Variants in SV2B observed in about 807,000 individuals in gnomAD.
SV2B encodes synaptic vesicle glycoprotein 2B.
Under a neutral mutation model 73.9 loss-of-function variants are expected in SV2B, and 41 were observed. The observed-to-expected ratio is 0.56, with a 90% confidence interval of 0.43 to 0.72. The LOEUF (loss-of-function observed/expected upper bound fraction) is 0.72. Ranked by LOEUF, SV2B falls within the 30% of genes least tolerant of loss-of-function variation. The pLI, the probability that SV2B is intolerant of heterozygous loss-of-function variation, is 0.00. For missense variants in SV2B, 764 were observed against 857.8 expected (o/e 0.89, Z 1.37); for synonymous variants, 314 against 314.2 (o/e 1.00, Z 0.01).
At position 91,294,118 on chromosome 15, in the gene SV2B, T is replaced by A. The variant is rs1394020371; in HGVS notation, c.*1566T>A. On this transcript the variant is annotated 3_prime_UTR_variant, in exon 13 of 13. Transcript: ENST00000394232. This position sits in a 1 kb window ranked among gnomAD's most constrained non-coding sequence, Gnocchi z 4.1. ...ACTAGTTGTTTGAGTTGATTTGCAG[T>A]GCTCTCAATGGGCAAGTGCCACATT... 6.6e-6 allele frequency: 1 copy of A among 152,258 alleles called. No individual in the cohort carries two copies. The highest frequency in any genetic ancestry group is 1.5e-5 in the Non-Finnish European group (1 of 68,040). 9.4% of individuals were successfully genotyped at this position (152,258 alleles called of 1,614,324 possible). A position where few individuals can be genotyped will look rare whatever the true frequency, so the allele number is the denominator to read the frequency against.
At chr15:91,191,539 C>T (rs966484976) in intron 1 of SV2B, among the ~76,000 whole-genome samples, 3 of 152,202 alleles carry the variant, frequency 2.0e-5, no homozygotes, top group African/African-American at 7.2e-5. Flanking sequence ...TTTCTACCCA[C>T]TGACCCCCTT....
intron 1 of SV2B, among the ~76,000 whole-genome samples, chr15:91,125,407 A>G (rs568676746): frequency 6.6e-6 from 1 of 152,164 alleles, no homozygotes; most frequent in East Asian, 1.9e-4. Flanking sequence ...AAATCATCCA[A>G]CGGTGATCCC....
intron 6 of SV2B, among the ~76,000 whole-genome samples, chr15:91,263,868 C>G (rs1053320537): frequency 6.6e-6 from 1 of 152,262 alleles, no homozygotes; most frequent in African/African-American, 2.4e-5. Context: ...CCTCTGCCTT[C>G]TCTCTATTCT....
Position 91,252,667 on chromosome 15 carries a change from C to CAATGTT in SV2B, c.784+148_784+149insATGTTA. 1.2e-6 allele frequency: 1 copy of CAATGTT among 836,472 alleles called. No homozygotes were observed. Among genetic ancestry groups the CAATGTT allele is most frequent in the Non-Finnish European group, 1.6e-6 (1 of 619,476 alleles). The allele number at this position is 836,472 out of a possible 1,614,324, so 51.8% of individuals were successfully genotyped here. A position where few individuals can be genotyped will look rare whatever the true frequency, so the allele number is the denominator to read the frequency against. On this transcript the variant is annotated intron_variant, in intron 4 of 12. Coordinates refer to ENST00000394232, the MANE Select transcript of SV2B (RefSeq NM_001323032.3). The surrounding 1 kb of genome is among the most constrained non-coding windows in gnomAD (Gnocchi z 4.6). ...TCTTTCTTAACAACTTCTAACATTGCAGACACATTGTTAATTTCAATTCAA... is the reference window on the plus strand; with the variant it reads ...TCTTTCTTAACAACTTCTAACATTGCAATGTTAGACACATTGTTAATTTCAATTCAA...
intron 1 of SV2B, among the ~76,000 whole-genome samples, chr15:91,198,786 C>G (rs1302279623): frequency 6.6e-6 from 1 of 152,112 alleles, no homozygotes; most frequent in Non-Finnish European, 1.5e-5. Context: ...GTTAAAGCTA[C>G]GTGGAGAACT....
At chr15:91,286,053 C>T (rs11853779) in intron 11 of SV2B, among the ~76,000 whole-genome samples, 8,013 of 152,224 alleles carry the variant, frequency 0.053, 544 homozygotes, top group African/African-American at 0.16. Context: ...TTAATCATTC[C>T]TTATAGCCTA....
chr15:91,124,243 C>T lies in SV2B; in HGVS notation c.-392+23880C>T, dbSNP rs182526115. Among the ~76,000 whole-genome samples the T allele has an allele frequency of 3.0e-4, 45 of 152,280 alleles. No homozygotes were observed. In the East Asian group the frequency reaches 5.2e-3, roughly 18 times the overall value. On this transcript the variant is annotated intron_variant, in intron 1 of 12. Coordinates refer to ENST00000394232, the MANE Select transcript of SV2B (RefSeq NM_001323032.3). This position sits in a 1 kb window ranked among gnomAD's most constrained non-coding sequence, Gnocchi z 4.6. The stretch of plus-strand genomic sequence containing the variant: ...CATCTGTTCATGCTATTTATTCCCT[C>T]GGGGAAGTCACGAATCTGTCATTTG...
intron 1 of SV2B, among the ~76,000 whole-genome samples, chr15:91,120,551 T>G (rs1366069944): frequency 6.6e-6 from 1 of 152,100 alleles, no homozygotes; most frequent in Non-Finnish European, 1.5e-5. Context: ...GTGGCTCACA[T>G]GCCTGTAATC....
chr15:91,158,693 T>TCC (rs2043589222), intron 1 of SV2B, among the ~76,000 whole-genome samples: 3 of 38,468 alleles, frequency 7.8e-5, no homozygotes, highest in African/African-American at 1.2e-4. Flanking sequence ...TCTCTTCTCT[T>TCC]CTCTTCTCTC....
chr15:91,183,401 A>G (rs548649216), intron 1 of SV2B, among the ~76,000 whole-genome samples: 9 of 152,346 alleles, frequency 5.9e-5, no homozygotes, highest in East Asian at 1.9e-4. Flanking sequence ...CCTTAATTAC[A>G]TAGACACTTC....
chr15:91,210,976 A>G (rs920904362), intron 1 of SV2B, among the ~76,000 whole-genome samples: 2 of 152,206 alleles, frequency 1.3e-5, no homozygotes, highest in Non-Finnish European at 2.9e-5. Context: ...GTGCCCCTGA[A>G]GTGTTGGAGG....
rs2041889288 is a variant in SV2B, at chr15:91,106,567, A to G, written c.-392+6204A>G. Among the ~76,000 whole-genome samples the G allele has an allele frequency of 6.6e-6, 1 of 152,230 alleles. No homozygotes were observed. Among genetic ancestry groups the G allele is most frequent in the African/African-American group, 2.4e-5 (1 of 41,466 alleles). ...ATTGTGGATCTTATGCACTAAAAAG[A>G]GGCTTTAAATGTGAAGGCTCCAATC... On this transcript the variant is annotated intron_variant, in intron 1 of 12. Transcript: ENST00000394232. The surrounding 1 kb of genome is among the most constrained non-coding windows in gnomAD (Gnocchi z 4.4).
chr15:91,211,742 T>C (rs2045873029), intron 1 of SV2B, among the ~76,000 whole-genome samples: 1 of 150,362 alleles, frequency 6.7e-6, no homozygotes, highest in Non-Finnish European at 1.5e-5. Flanking sequence ...GACCTCATAA[T>C]CCACCCGCCT....
At chr15:91,217,471 G>C (rs558798802) in intron 1 of SV2B, among the ~76,000 whole-genome samples, 12 of 151,232 alleles carry the variant, frequency 7.9e-5, no homozygotes, top group South Asian at 2.1e-4. Flanking sequence ...TGTAAGTGAC[G>C]AGTTAATGGG....
In SV2B at chr15:91,197,550, A is replaced by AAAAAAAC. The variant is rs1305582676; in HGVS notation, c.-391-28320_-391-28319insAAACAAA. Among the ~76,000 whole-genome samples the AAAAAAAC allele has an allele frequency of 2.0e-5, 3 of 151,056 alleles. No homozygotes were observed. The highest frequency in any genetic ancestry group is 4.9e-5 in the African/African-American group (2 of 40,530). ...TCATTGTTTTTAATAGAAGAAAAAA[A>AAAAAAAC]AAACCAAACCAAACCAAACAAAACA... On this transcript the variant is annotated intron_variant, in intron 1 of 12. Transcript: ENST00000394232. This position sits in a 1 kb window ranked among gnomAD's most constrained non-coding sequence, Gnocchi z 4.9.
intron 1 of SV2B, among the ~76,000 whole-genome samples, chr15:91,171,177 G>A (rs867685095): frequency 2.6e-5 from 4 of 152,190 alleles, no homozygotes; most frequent in African/African-American, 9.7e-5. Context: ...GGGTCATGGT[G>A]TCGGGGTCCC....
rs936121630 is a variant in SV2B, at chr15:91,293,772, G to C, written c.*1220G>C. ...TGGTCAGGTCTCATGAGAAATCTATGCTATGTGTCCAGAGCTTTTGAAACA... is the reference window on the plus strand; with the variant it reads ...TGGTCAGGTCTCATGAGAAATCTATCCTATGTGTCCAGAGCTTTTGAAACA... On this transcript the variant is annotated 3_prime_UTR_variant, in exon 13 of 13. Coordinates refer to ENST00000394232, the MANE Select transcript of SV2B (RefSeq NM_001323032.3). 1 of 152,226 alleles carries C rather than the reference G, an allele frequency of 6.6e-6. No individual in the cohort carries two copies. The highest frequency in any genetic ancestry group is 1.5e-5 in the Non-Finnish European group (1 of 68,034). The allele number at this position is 152,226 out of a possible 1,614,324, so 9.4% of individuals were successfully genotyped here.
intron 1 of SV2B, among the ~76,000 whole-genome samples, chr15:91,186,954 A>T (rs2044795314): frequency 6.6e-6 from 1 of 152,360 alleles, no homozygotes; most frequent in East Asian, 1.9e-4. Flanking sequence ...AAATACACAA[A>T]AGAAATTTAT....
intron 9 of SV2B, among the ~76,000 whole-genome samples, chr15:91,276,460 A>G (rs1054225565): frequency 6.6e-5 from 10 of 151,760 alleles, no homozygotes; most frequent in African/African-American, 2.4e-4. Context: ...AGATTGTTTG[A>G]TATTTTCCCA....
Sources: allele counts gnomAD v4.1 joint callset (sites outside exome capture counted in the v4.1 genomes callset), GRCh38; gene constraint gnomAD v4.1.1; non-coding constraint Gnocchi (gnomAD v3.1); transcripts MANE v1.5; gene names NCBI Gene and HGNC (gene_info 2026-07-23, HGNC 2026-07-21).